The following AQR variants were observed in gnomAD, a reference collection of about 807,000 sequenced individuals.
AQR encodes aquarius intron-binding spliceosomal factor, also known as RNA helicase aquarius.
Under a neutral mutation model 180.5 loss-of-function variants are expected in AQR, and 61 were observed. The observed-to-expected ratio is 0.34, with a 90% CI of 0.28 to 0.42. The LOEUF (loss-of-function observed/expected upper bound fraction) is 0.42. AQR is among the 10% of genes least tolerant of loss of function. The pLI is 1.00. For synonymous variants in AQR, 551 were observed against 588.8 expected (o/e 0.94, Z 0.93); for missense variants, 1,281 against 1,798.3 (o/e 0.71, Z 5.20).
At chr15:34,933,155 C>A (rs770901135) in intron 10 of AQR, among the ~76,000 whole-genome samples, 1 of 152,214 alleles carries the variant, frequency 6.6e-6, no homozygotes, top group Non-Finnish European at 1.5e-5. Context: ...TGTTCCCCTA[C>A]ACTATAGCTT....
At chr15:34,956,769 A>G (rs746634587) in intron 3 of AQR, among the ~76,000 whole-genome samples, 4 of 151,924 alleles carry the variant, frequency 2.6e-5, no homozygotes, top group Non-Finnish European at 5.9e-5. Flanking sequence ...ACTGGGAAAC[A>G]TCTTGGGCAA....
At chr15:34,958,668 A>G (rs1410853790) in intron 3 of AQR, among the ~76,000 whole-genome samples, 1 of 152,258 alleles carries the variant, frequency 6.6e-6, no homozygotes, top group East Asian at 1.9e-4. Flanking sequence ...TTTAAATGAA[A>G]AAATAAACAA....
At chr15:34,967,849 TG>T in intron 1 of AQR, among the ~76,000 whole-genome samples, 1 of 152,322 alleles carries the variant, frequency 6.6e-6, no homozygotes, top group Non-Finnish European at 1.5e-5. Context: ...GTTTTGCTCT[TG>T]TTGCCCAGGC....
intron 16 of AQR, among the ~76,000 whole-genome samples, chr15:34,911,237 T>C (rs951495738): frequency 2.0e-5 from 3 of 152,226 alleles, no homozygotes; most frequent in Non-Finnish European, 2.9e-5. Flanking sequence ...TTGTGAATAA[T>C]GCTGCAATGA....
At chr15:34,862,342 G>C (rs1892680831) in intron 33 of AQR, among the ~76,000 whole-genome samples, 1 of 152,040 alleles carries the variant, frequency 6.6e-6, no homozygotes, top group Admixed American at 6.5e-5. Context: ...AGACCTCCTG[G>C]CTTTTCAGAT....
intron 21 of AQR, among the ~76,000 whole-genome samples, chr15:34,897,216 T>C (rs1283519086): frequency 2.0e-5 from 3 of 152,332 alleles, no homozygotes; most frequent in East Asian, 3.9e-4. Flanking sequence ...TCCATTCTAA[T>C]ACTAAATATA....
chr15:34,900,017 T>G (rs1422255921), intron 20 of AQR, among the ~76,000 whole-genome samples: 5 of 152,114 alleles, frequency 3.3e-5, no homozygotes, highest in African/African-American at 7.2e-5. Flanking sequence ...CTCAGCCTCC[T>G]GAGTTCCTGA....
chr15:34,944,517 A>T, intron 5 of AQR, 89 bp from the exon 6 acceptor site: 2 of 1,299,312 alleles, frequency 1.5e-6, no homozygotes, highest in Non-Finnish European at 2.1e-6. Flanking sequence ...GCAGTCTATT[A>T]AAAAAACCAA....
chr15:34,915,164 G>A lies in AQR; in HGVS notation c.1358C>T (p.Pro453Leu), dbSNP rs201358907. ...AGTCAAAAACTGCAAATTCAATTTG[G>A]GAAGAGCAAGACAACCTGAAAAGGA... is the stretch of plus-strand genomic sequence containing the variant. ...YYSGEGCLAL[P>L]KLNLQFLTLH... Residue 453 changes from proline to leucine, a missense_variant, in exon 16 of 35, where the codon CCC becomes CTC. Transcript: ENST00000156471. 1 of 1,595,842 alleles carries A rather than the reference G, an allele frequency of 6.3e-7. No homozygotes were observed. The highest frequency in any genetic ancestry group is 8.5e-7 in the Non-Finnish European group (1 of 1,175,010).
intron 5 of AQR, 51 bp downstream of exon 5, chr15:34,948,213 A>G (rs764129209): frequency 4.4e-6 from 7 of 1,580,254 alleles, no homozygotes; most frequent in Non-Finnish European, 6.0e-6. Context: ...CCACTTTGTA[A>G]TGGCTTATGT....
chr15:34,908,635 C>T (rs1218158476), intron 17 of AQR, among the ~76,000 whole-genome samples: 2 of 152,144 alleles, frequency 1.3e-5, no homozygotes, highest in Non-Finnish European at 2.9e-5. Flanking sequence ...CAAAATGTAC[C>T]CTGTCCAGTT....
intron 16 of AQR, among the ~76,000 whole-genome samples, chr15:34,913,640 GTAAAATATAAATGAATTCT>G: frequency 6.6e-6 from 1 of 152,252 alleles, no homozygotes; most frequent in Non-Finnish European, 1.5e-5. Flanking sequence ...TGGCATTTAA[GTAAAATATAAATGAATTCT>G]ATTTGTTGAA....
chr15:34,902,493 T>C (rs1893346565), intron 19 of AQR, among the ~76,000 whole-genome samples: 1 of 152,144 alleles, frequency 6.6e-6, no homozygotes, highest in African/African-American at 2.4e-5. Flanking sequence ...ATGCCTCCTT[T>C]GAACTTTCAG....
At chr15:34,882,737 T>A in intron 26 of AQR, 98 bp from the exon 27 acceptor site, 1 of 1,073,914 alleles carries the variant, frequency 9.3e-7, no homozygotes, top group Non-Finnish European at 1.3e-6. Context: ...GAAATTAACA[T>A]AAATATATTA....
chr15:34,901,981 C>T (rs990700095), intron 19 of AQR, among the ~76,000 whole-genome samples: 2 of 152,106 alleles, frequency 1.3e-5, no homozygotes, highest in Non-Finnish European at 2.9e-5. Flanking sequence ...TTAACTGTAA[C>T]ACAAAGCAGC....
At chr15:34,858,320 C>CAAAAAAAA (rs57627687) in intron 34 of AQR, among the ~76,000 whole-genome samples, 53 of 86,022 alleles carry the variant, frequency 6.2e-4, no homozygotes, top group African/African-American at 1.1e-3. Flanking sequence ...ACGACAGCAG[C>CAAAAAAAA]AAAAAAAAAA....
intron 12 of AQR, 37 bp downstream of exon 12, chr15:34,930,221 T>C: frequency 7.6e-7 from 1 of 1,320,124 alleles, no homozygotes; most frequent in Non-Finnish European, 1.1e-6. Flanking sequence ...GATAAAACCT[T>C]ATGGAGCATA....
chr15:34,874,599 C>T, intron 29 of AQR, 78 bp downstream of exon 29: 2 of 1,550,226 alleles, frequency 1.3e-6, no homozygotes, highest in South Asian at 2.3e-5. Flanking sequence ...ATAGTCTACA[C>T]AAAAGCTATT....
intron 13 of AQR, among the ~76,000 whole-genome samples, chr15:34,925,814 T>C (rs576884086): frequency 6.7e-6 from 1 of 149,912 alleles, no homozygotes; most frequent in Non-Finnish European, 1.5e-5. Flanking sequence ...GCCTGGGCAA[T>C]AGAGCAAGAC....
Sources: allele counts gnomAD v4.1 joint callset (sites outside exome capture counted in the v4.1 genomes callset), GRCh38; gene constraint gnomAD v4.1.1; transcripts MANE v1.5; gene names NCBI Gene and HGNC (gene_info 2026-07-23, HGNC 2026-07-21).